The following POTEE variants were observed in gnomAD, a reference collection of about 807,000 sequenced individuals.
POTEE encodes the protein POTE ankyrin domain family member E, also known as ANKRD26-like family C member 1A.
A neutral mutation model predicts 74.2 loss-of-function variants in POTEE; 21 were observed. The ratio of observed to expected loss-of-function variants is 0.28; its 90% CI spans 0.20 to 0.41. The LOEUF (loss-of-function observed/expected upper bound fraction) is 0.41, where lower values mean the gene tolerates loss of function less well. POTEE is among the 10% of genes least tolerant of loss of function. POTEE has a pLI of 1.00. For synonymous variants in POTEE, 211 were observed against 432.8 expected, an observed-to-expected ratio of 0.49 and a Z score of 6.36; for missense variants, 525 against 1,158.6, an observed-to-expected ratio of 0.45 and a Z score of 7.94.
chr2:131,233,747 G>A (rs1264254353), intron 9 of POTEE, among the ~76,000 whole-genome samples: 1 of 150,942 alleles, frequency 6.6e-6, no homozygotes, highest in Non-Finnish European at 1.5e-5. Flanking sequence ...GGAATATAAA[G>A]CAGAGGCAGA....
intron 6 of POTEE, among the ~76,000 whole-genome samples, chr2:131,225,314 T>C (rs1573706418): frequency 6.6e-6 from 1 of 152,088 alleles, no homozygotes; most frequent in East Asian, 1.9e-4. Flanking sequence ...GAGGCTGAGG[T>C]GGGAGGATTG....
At chr2:131,212,829 G>T (rs1700385601) in intron 2 of POTEE, among the ~76,000 whole-genome samples, 2 of 150,908 alleles carry the variant, frequency 1.3e-5, no homozygotes, top group Admixed American at 6.6e-5. Context: ...TTCCCAAAGT[G>T]CTGGGATTGG....
chr2:131,221,867 G>A (rs1394558974), intron 4 of POTEE, among the ~76,000 whole-genome samples: 6 of 152,144 alleles, frequency 3.9e-5, no homozygotes, highest in Non-Finnish European at 5.9e-5. Flanking sequence ...TGAAAATACT[G>A]AACTCCCAAG....
In POTEE at chr2:131,209,753, TTGCTG is replaced by T. The variant is rs1437222599; in HGVS notation, c.-408_-404del. ...GGAGCCTGAGCCCCTGGGGCTCGCC[TTGCTG>T]TGTTTGGTGGTGACGTGGGACACTG... On this transcript the variant is annotated 5_prime_UTR_variant, in exon 1 of 18. It removes the in-frame stop codon of an upstream open reading frame in the 5' UTR. Coordinates refer to ENST00000683005, the MANE Select transcript of POTEE (RefSeq NM_001083538.3). 2.0e-5 allele frequency among the ~76,000 whole-genome samples: 3 copies of T among 152,200 alleles called. No individual in the cohort carries two copies. Among genetic ancestry groups the T allele is most frequent in the Admixed American group, 2.0e-4 (3 of 15,288 alleles).
chr2:131,224,671 G>A (rs1356981270), intron 6 of POTEE, among the ~76,000 whole-genome samples: 1 of 151,922 alleles, frequency 6.6e-6, no homozygotes, highest in East Asian at 1.9e-4. Flanking sequence ...GGTGAGACAA[G>A]GTTCTCTTCA....
At chr2:131,245,231 CTTT>C (rs1322407586) in intron 12 of POTEE, among the ~76,000 whole-genome samples, 173 bp from the exon 13 acceptor site, 1 of 144,544 alleles carries the variant, frequency 6.9e-6, no homozygotes, top group African/African-American at 2.6e-5. Context: ...TTTTTTTCTT[CTTT>C]AATTAGAAGC....
rs750324231 is a variant in POTEE at position 131,209,715 on chromosome 2, C to T, written c.-449C>T. On this transcript the variant is annotated 5_prime_UTR_variant, in exon 1 of 18. Coordinates refer to ENST00000683005, the MANE Select transcript of POTEE (RefSeq NM_001083538.3). ...CGAGTAGAAGGGAGCAGCACCGACG[C>T]ATGCTGGAGGCTGGAGCCTGAGCCC... Among the ~76,000 whole-genome samples, 1 of 152,264 alleles carries T rather than the reference C, an allele frequency of 6.6e-6. No individual in the cohort carries two copies. The highest frequency in any genetic ancestry group is 1.5e-5 in the Non-Finnish European group (1 of 68,054).
chr2:131,222,048 A>G (rs1394946906), intron 4 of POTEE, among the ~76,000 whole-genome samples: 1 of 152,280 alleles, frequency 6.6e-6, no homozygotes, highest in Non-Finnish European at 1.5e-5. Context: ...ATTAGGACTT[A>G]ATCTCAATTG....
intron 4 of POTEE, among the ~76,000 whole-genome samples, chr2:131,222,464 G>A (rs1043383884): frequency 1.3e-5 from 2 of 151,614 alleles, no homozygotes; most frequent in Non-Finnish European, 2.9e-5. Flanking sequence ...TGGGTACTGG[G>A]CTTAACACCT....
At position 131,222,717 on chromosome 2, in the gene POTEE, C is replaced by A. The variant is rs184652465; in HGVS notation, c.522-879C>A. Among the ~76,000 whole-genome samples the A allele has an allele frequency of 1.2e-4, 19 of 152,262 alleles. No homozygotes were observed. The East Asian group carries it at 3.1e-3, about 25-fold the overall frequency. On this transcript the variant is annotated intron_variant, in intron 4 of 17. Transcript: ENST00000683005. Reference sequence around the variant, plus strand: ...AAGTATTGAAAAAAATGAGCCCATGCTATTCATTTGAATTCCAGGTTTTCT... The same window carrying A: ...AAGTATTGAAAAAAATGAGCCCATGATATTCATTTGAATTCCAGGTTTTCT...
chr2:131,220,173 C>T (rs1700573912), intron 4 of POTEE, among the ~76,000 whole-genome samples: 2 of 151,842 alleles, frequency 1.3e-5, no homozygotes, highest in Admixed American at 6.6e-5. Flanking sequence ...GAGAAACATA[C>T]AAATGCCTAT....
At chr2:131,218,128 T>G (rs1700492962) in intron 3 of POTEE, 182 bp from the exon 4 acceptor site, 2 of 627,290 alleles carry the variant, frequency 3.2e-6, no homozygotes, top group East Asian at 3.1e-5. Flanking sequence ...GGGTGTTTTC[T>G]TGGGGGCGGG....
At chr2:131,243,528 A>G (rs369788567) in intron 12 of POTEE, among the ~76,000 whole-genome samples, 1,619 of 149,006 alleles carry the variant, frequency 0.011, no homozygotes, top group African/African-American at 0.037. Context: ...ATAAATACTT[A>G]TTAAATAAGT....
chr2:131,237,094 G>A (rs1701154158), intron 10 of POTEE, among the ~76,000 whole-genome samples: 1 of 151,512 alleles, frequency 6.6e-6, no homozygotes, highest in African/African-American at 2.4e-5. Flanking sequence ...CTGCCTTTTT[G>A]ATTAGCTTAT....
intron 9 of POTEE, among the ~76,000 whole-genome samples, chr2:131,236,202 G>C (rs530138034): frequency 6.6e-6 from 1 of 150,664 alleles, no homozygotes; most frequent in Non-Finnish European, 1.5e-5. Flanking sequence ...AAAACAGCTC[G>C]GAGTGAATGC....
Position 131,265,002 on chromosome 2 carries a change from AAGG to A in POTEE, c.*322_*324del. On this transcript the variant is annotated 3_prime_UTR_variant, in exon 18 of 18. Coordinates refer to ENST00000683005, the MANE Select transcript of POTEE (RefSeq NM_001083538.3). ...GCTAAAAGCCATCCCACTTCTCTCTAAGGAGAATGGCCCAGTCCTCTCCCTAGT... is the reference window on the plus strand; with the variant it reads ...GCTAAAAGCCATCCCACTTCTCTCTAAGAATGGCCCAGTCCTCTCCCTAGT... 1.9e-6 allele frequency: 1 copy of A among 523,306 alleles called. No homozygotes were observed. Among genetic ancestry groups the A allele is most frequent in the Non-Finnish European group, 3.4e-6 (1 of 294,422 alleles). The allele number at this position is 523,306 out of a possible 1,614,324, so 32.4% of individuals were successfully genotyped here.
chr2:131,219,272 A>G (rs1435574351), intron 4 of POTEE, among the ~76,000 whole-genome samples: 2 of 151,626 alleles, frequency 1.3e-5, no homozygotes, highest in African/African-American at 2.4e-5. Flanking sequence ...AGAACTAAGA[A>G]CAAAGCCCCA....
chr2:131,218,576 G>A lies in POTEE; in HGVS notation c.174G>A (p.Arg58=). ...ACGACTCTGCTATGAAGACACTCAG[G>A]AGCAAGATGGGCAAGTGGTGCCACC... ...DHDDSAMKTL[R]SKMGKWCHHC... Residue 58 remains arginine (R), a synonymous_variant, in exon 4 of 18, where the codon AGG becomes AGA. Transcript: ENST00000683005. The A allele has an allele frequency of 6.2e-7, 1 of 1,612,782 alleles. No homozygotes were observed. Among genetic ancestry groups the A allele is most frequent in the Non-Finnish European group, 8.5e-7 (1 of 1,179,770 alleles).
chr2:131,224,415 T>G (rs1330384742), intron 6 of POTEE, among the ~76,000 whole-genome samples: 1 of 146,720 alleles, frequency 6.8e-6, no homozygotes, highest in African/African-American at 2.5e-5. Context: ...TAAACATGTT[T>G]CAGTGAATAG....
Sources: gnomAD v4.1 joint callset for allele counts (sites outside exome capture counted in the v4.1 genomes callset) on GRCh38, gnomAD v4.1.1 for gene constraint, MANE v1.5 for transcripts, NCBI Gene and HGNC (gene_info 2026-07-23, HGNC 2026-07-21) for gene names.